The following CDHR2 variants were observed in gnomAD, a reference collection of about 807,000 sequenced individuals.
CDHR2 encodes the protein cadherin related family member 2, also known as cadherin-related family member 2.
Under a neutral mutation model 138.6 loss-of-function variants are expected in CDHR2, and 104 were observed. That is an observed-to-expected ratio of 0.75 (90% confidence interval 0.64 to 0.88). CDHR2 has a LOEUF of 0.88. CDHR2 is among the 40% of genes least tolerant of loss of function. CDHR2 has a pLI of 0.00. For missense variants in CDHR2, 1,624 were observed against 1,727.6 expected (o/e 0.94, Z 1.06); for synonymous variants, 755 against 742.8 (o/e 1.02, Z -0.27).
rs1251040103 is a variant in CDHR2 at position 176,590,569 on chromosome 5, C to T, written c.3421C>T (p.Gln1141Ter). Residue 1141 changes from glutamine to a stop codon, truncating the protein, a stop_gained, in exon 28 of 32, where the codon CAG becomes TAG. Coordinates refer to ENST00000261944, the MANE Select transcript of CDHR2 (RefSeq NM_017675.6). LOFTEE classifies it high-confidence loss of function. Reference sequence around the variant, plus strand: ...CACACTCATCTTTCTCCAGGGCTCCCAGGAGAGCCAGGAGTCAGACCTGTC... The same window carrying T: ...CACACTCATCTTTCTCCAGGGCTCCTAGGAGAGCCAGGAGTCAGACCTGTC... ...LQLGLVVLGS[Q>*]ESQESDLSKQ... 1.2e-6 allele frequency: 2 copies of T among 1,614,012 alleles called. No individual in the cohort carries two copies. Among genetic ancestry groups the T allele is most frequent in the Non-Finnish European group, 1.7e-6 (2 of 1,179,994 alleles).
chr5:176,551,886 G>GGA (rs1757714240), intron 1 of CDHR2, among the ~76,000 whole-genome samples: 1 of 141,646 alleles, frequency 7.1e-6, no homozygotes, highest in African/African-American at 2.5e-5. Flanking sequence ...TTTTTTTTTG[G>GGA]GGAACTTTTA....
At chr5:176,558,771 C>T (rs1045455520) in intron 1 of CDHR2, among the ~76,000 whole-genome samples, 3 of 152,164 alleles carry the variant, frequency 2.0e-5, no homozygotes, top group Non-Finnish European at 4.4e-5. Context: ...CCGCCCACCT[C>T]GGCCTCCCAA....
intron 2 of CDHR2, 128 bp from the exon 3 acceptor site, chr5:176,565,544 G>T: frequency 8.1e-7 from 1 of 1,233,194 alleles, no homozygotes; most frequent in South Asian, 1.3e-5. Flanking sequence ...GGGGAGGCCT[G>T]GGGAGGAATC....
chr5:176,557,095 AG>A (rs1236968549), intron 1 of CDHR2, among the ~76,000 whole-genome samples: 2 of 150,714 alleles, frequency 1.3e-5, no homozygotes, highest in East Asian at 2.0e-4. Context: ...GGCTCCCTGC[AG>A]CCTCAAACTC....
Position 176,590,142 on chromosome 5 carries a change from G to T in CDHR2, c.3271G>T (p.Ala1091Ser). 1 of 1,613,812 alleles carries T rather than the reference G, an allele frequency of 6.2e-7. No individual in the cohort carries two copies. The highest frequency in any genetic ancestry group is 8.5e-7 in the Non-Finnish European group (1 of 1,179,934). ...IVDIQDIDSA[A>S]RARPHSYLDA... ...GGACATTCAGGACATAGATTCTGCA[G>T]CTCGGTGAGTGCCCAGAGGCCTGGG... The change falls in exon 25 of 32, where the codon GCT (alanine) becomes TCT (serine). Residue 1091 changes from alanine to serine, a missense_variant. Coordinates refer to ENST00000261944, the MANE Select transcript of CDHR2 (RefSeq NM_017675.6).
rs1211744182 is a variant in CDHR2 at position 176,581,340 on chromosome 5, C to T, written c.1819-3C>T. On this transcript the variant is annotated splice_region_variant and splice_polypyrimidine_tract_variant and intron_variant, in intron 16 of 31. Transcript: ENST00000261944. ...GATGACCAACCCCTGCTTACGTGCACAGGCCCACGACAATGATGAGCCGGG... is the reference window on the plus strand; with the variant it reads ...GATGACCAACCCCTGCTTACGTGCATAGGCCCACGACAATGATGAGCCGGG... 6.2e-7 allele frequency: 1 copy of T among 1,612,768 alleles called. No homozygotes were observed. The highest frequency in any genetic ancestry group is 8.5e-7 in the Non-Finnish European group (1 of 1,180,006).
chr5:176,588,111 T>C lies in CDHR2; in HGVS notation c.2857-920T>C, dbSNP rs546796934. ...GTCCCCTCCCCAACCAGCTTCATGGTCTACTAGGGGAATTGGTACTCCCCG... is the reference window on the plus strand; with the variant it reads ...GTCCCCTCCCCAACCAGCTTCATGGCCTACTAGGGGAATTGGTACTCCCCG... On this transcript the variant is annotated intron_variant, in intron 21 of 31. Coordinates refer to ENST00000261944, the MANE Select transcript of CDHR2 (RefSeq NM_017675.6). Among the ~76,000 whole-genome samples, 357 of 152,278 alleles carry C rather than the reference T, an allele frequency of 2.3e-3. 1 individual carries two copies. Among genetic ancestry groups the C allele is most frequent in the African/African-American group, 8.2e-3 (342 of 41,548 alleles).
chr5:176,588,353 T>C (rs1758721144), intron 21 of CDHR2, among the ~76,000 whole-genome samples: 1 of 136,028 alleles, frequency 7.4e-6, no homozygotes, highest in Non-Finnish European at 1.6e-5. Context: ...TGTGTGTGAA[T>C]TGAGTGTATT....
upstream of CDHR2, among the ~76,000 whole-genome samples, chr5:176,548,701 C>A (rs1045456836): frequency 5.3e-5 from 8 of 152,036 alleles, no homozygotes; most frequent in Non-Finnish European, 4.4e-5. Context: ...CAAGATTGTG[C>A]CACTTCACTC....
chr5:176,557,016 CT>C (rs1193465092), intron 1 of CDHR2, among the ~76,000 whole-genome samples: 16 of 55,424 alleles, frequency 2.9e-4, no homozygotes, highest in African/African-American at 1.1e-3. Flanking sequence ...CTCTCTCTCT[CT>C]TTTTTTTTTT....
chr5:176,577,550 T>G lies in CDHR2; in HGVS notation c.1346T>G (p.Val449Gly), dbSNP rs1581142647. The G allele has an allele frequency of 6.2e-7, 1 of 1,613,522 alleles. No individual in the cohort carries two copies. Among genetic ancestry groups the G allele is most frequent in the African/African-American group, 1.3e-5 (1 of 74,910 alleles). ...VDYERQTAMA[V>G]QVVATDSVSQ... The stretch of plus-strand genomic sequence containing the variant: ...TACGAGAGGCAGACGGCGATGGCGG[T>G]GCAGGTGAGGGCTGCTCCGGGGTGC... The change falls in exon 13 of 32, where the codon GTG (valine) becomes GGG (glycine). Residue 449 changes from valine to glycine, a missense_variant. Coordinates refer to ENST00000261944, the MANE Select transcript of CDHR2 (RefSeq NM_017675.6).
chr5:176,578,909 TTAGA>T (rs1758467043), intron 16 of CDHR2, among the ~76,000 whole-genome samples: 2 of 152,152 alleles, frequency 1.3e-5, no homozygotes, highest in South Asian at 2.1e-4. Flanking sequence ...TTGAGGTGGC[TTAGA>T]TAAATAGTAA....
chr5:176,583,500 G>A (rs1758573068), intron 17 of CDHR2, among the ~76,000 whole-genome samples: 1 of 152,208 alleles, frequency 6.6e-6, no homozygotes, highest in African/African-American at 2.4e-5. Flanking sequence ...GGGCTGGAGT[G>A]CTCAGGGCAT....
rs369857651 is a variant in CDHR2 at position 176,580,487 on chromosome 5, G to C, written c.1819-856G>C. On this transcript the variant is annotated intron_variant, in intron 16 of 31. Coordinates refer to ENST00000261944, the MANE Select transcript of CDHR2 (RefSeq NM_017675.6). Reference sequence around the variant, plus strand: ...GAAGCTGCAGTGAGCTGAGATCATGGCACTGCACTCCACTCTGGGCAACAG... The same window carrying C: ...GAAGCTGCAGTGAGCTGAGATCATGCCACTGCACTCCACTCTGGGCAACAG... 2.6e-3 allele frequency among the ~76,000 whole-genome samples: 366 copies of C among 141,652 alleles called. 3 individuals are homozygous for C. Among genetic ancestry groups the C allele is most frequent in the African/African-American group, 9.2e-3 (348 of 37,784 alleles). 92.9% of individuals were successfully genotyped at this position (141,652 alleles called of 152,430 possible). A position where few individuals can be genotyped will look rare whatever the true frequency, so the allele number is the denominator to read the frequency against.
rs760538860 is a variant in CDHR2, at chr5:176,575,071, T to C, written c.496-13T>C. On this transcript the variant is annotated splice_polypyrimidine_tract_variant and intron_variant, in intron 7 of 31. Coordinates refer to ENST00000261944, the MANE Select transcript of CDHR2 (RefSeq NM_017675.6). Reference sequence around the variant, plus strand: ...GTCCCTAGGGAGCCTGACCCAAGTCTGCTCTGCCCCAGGTCATCCCTAGCA... The same window carrying C: ...GTCCCTAGGGAGCCTGACCCAAGTCCGCTCTGCCCCAGGTCATCCCTAGCA... The C allele has an allele frequency of 1.2e-6, 2 of 1,613,888 alleles. No individual in the cohort carries two copies. Among genetic ancestry groups the C allele is most frequent in the Non-Finnish European group, 1.7e-6 (2 of 1,179,972 alleles).
At chr5:176,588,827 A>G (rs1758758679) in intron 21 of CDHR2, among the ~76,000 whole-genome samples, 1 of 152,138 alleles carries the variant, frequency 6.6e-6, no homozygotes, top group African/African-American at 2.4e-5. Flanking sequence ...GTTGGGGAAC[A>G]GGGGCAGGTT....
rs183629059 is a variant in CDHR2, at chr5:176,558,714, G to A, written c.-15-6624G>A. On this transcript the variant is annotated intron_variant, in intron 1 of 31. Coordinates refer to ENST00000261944, the MANE Select transcript of CDHR2 (RefSeq NM_017675.6). ...TTTTGTATTTTTTAATGGAGATAGG[G>A]TTTCACCGTGTTAGCCAGGATGGTC... Among the ~76,000 whole-genome samples, 4 of 150,888 alleles carry A rather than the reference G, an allele frequency of 2.7e-5. No individual in the cohort carries two copies. In the East Asian group the frequency reaches 5.9e-4, roughly 22 times the overall value.
chr5:176,565,252 G>A (rs1758052984), intron 1 of CDHR2, 86 bp from the exon 2 acceptor site: 2 of 913,162 alleles, frequency 2.2e-6, no homozygotes, highest in South Asian at 2.7e-5. Flanking sequence ...GTGGTGGGTG[G>A]GCTCAGGTCA....
upstream of CDHR2, among the ~76,000 whole-genome samples, chr5:176,544,936 G>A (rs542639915): frequency 3.3e-5 from 5 of 152,272 alleles, no homozygotes; most frequent in African/African-American, 9.6e-5. Flanking sequence ...TCACCTCTAA[G>A]GCTGTGCACT....
Sources: allele counts gnomAD v4.1 joint callset (sites outside exome capture counted in the v4.1 genomes callset), GRCh38; gene constraint gnomAD v4.1.1; transcripts MANE v1.5; gene names NCBI Gene and HGNC (gene_info 2026-07-23, HGNC 2026-07-21).